ZMAT4: variants seen among roughly 807,000 people sequenced by gnomAD.
ZMAT4 encodes the protein zinc finger matrin-type protein 4.
In ZMAT4, 17 loss-of-function variants were observed where a neutral mutation model predicts 28.7. That is an observed-to-expected ratio of 0.59 (90% CI 0.41 to 0.89). The LOEUF (loss-of-function observed/expected upper bound fraction) is 0.89. Among genes scored for constraint, ZMAT4 ranks in the 40% least tolerant of loss-of-function variants. The pLI, the probability that ZMAT4 is intolerant of heterozygous loss-of-function variation, is 0.00. For synonymous variants in ZMAT4, 117 were observed against 109.2 expected (o/e 1.07, Z -0.44); for missense variants, 240 against 283.8 (o/e 0.85, Z 1.11).
At chr8:40,825,782 A>C in intron 1 of ZMAT4, 102 bp from the exon 2 acceptor site, 1 of 868,200 alleles carries the variant, frequency 1.2e-6, no homozygotes, top group Non-Finnish European at 1.8e-6. Context: ...CAGGTCTGAC[A>C]ATGGTGACAG....
At chr8:40,866,307 C>T (rs1201214249) in intron 1 of ZMAT4, among the ~76,000 whole-genome samples, 2 of 152,196 alleles carry the variant, frequency 1.3e-5, no homozygotes, top group East Asian at 1.9e-4. Flanking sequence ...AATGCTGGTG[C>T]CCCAGGGCTG....
chr8:40,829,408 G>A (rs531674918), intron 1 of ZMAT4, among the ~76,000 whole-genome samples: 1 of 152,314 alleles, frequency 6.6e-6, no homozygotes, highest in Non-Finnish European at 1.5e-5. Flanking sequence ...ACTAGAGCAG[G>A]GAGTCTGGTC....
At chr8:40,857,847 A>G (rs1488486904) in intron 1 of ZMAT4, among the ~76,000 whole-genome samples, 3 of 152,240 alleles carry the variant, frequency 2.0e-5, no homozygotes, top group Non-Finnish European at 2.9e-5. Context: ...AACACAAGGA[A>G]TGAACTACAA....
chr8:40,570,823 G>T (rs139178488), intron 6 of ZMAT4, among the ~76,000 whole-genome samples: 2 of 152,106 alleles, frequency 1.3e-5, no homozygotes, highest in Non-Finnish European at 2.9e-5. Context: ...TGGGACTCTG[G>T]CCATCTGCTT....
chr8:40,713,523 A>G (rs1810713072), intron 3 of ZMAT4, among the ~76,000 whole-genome samples: 1 of 152,192 alleles, frequency 6.6e-6, no homozygotes, highest in Admixed American at 6.5e-5. Flanking sequence ...ATGCTTAGCT[A>G]TATAAAGAAC....
intron 3 of ZMAT4, among the ~76,000 whole-genome samples, chr8:40,746,499 G>A (rs1404004211): frequency 1.3e-5 from 2 of 151,624 alleles, no homozygotes; most frequent in East Asian, 1.9e-4. Flanking sequence ...AAGTAGTTAG[G>A]ACTATAAGCG....
chr8:40,856,349 G>T (rs1325833447), intron 1 of ZMAT4, among the ~76,000 whole-genome samples: 2 of 152,108 alleles, frequency 1.3e-5, no homozygotes, highest in South Asian at 2.1e-4. Flanking sequence ...AGATGGAAAG[G>T]GTTGGAAAAA....
chr8:40,636,106 C>T (rs1806781367), intron 5 of ZMAT4, among the ~76,000 whole-genome samples: 1 of 152,234 alleles, frequency 6.6e-6, no homozygotes, highest in Non-Finnish European at 1.5e-5. Flanking sequence ...CCCAAAGAGC[C>T]TGCAATGATT....
At chr8:40,779,987 A>G (rs972373020) in intron 2 of ZMAT4, among the ~76,000 whole-genome samples, 1 of 152,110 alleles carries the variant, frequency 6.6e-6, no homozygotes, top group Admixed American at 6.5e-5. Context: ...CAAGCTCTTC[A>G]ACTGCCAGTT....
chr8:40,661,888 G>GA (rs758848843), intron 5 of ZMAT4, among the ~76,000 whole-genome samples: 2 of 152,208 alleles, frequency 1.3e-5, no homozygotes, highest in Non-Finnish European at 2.9e-5. Flanking sequence ...GCACTGAGGA[G>GA]AAAAATGAAT....
At chr8:40,664,443 C>T (rs1808321097) in intron 5 of ZMAT4, among the ~76,000 whole-genome samples, 1 of 152,190 alleles carries the variant, frequency 6.6e-6, no homozygotes, top group Admixed American at 6.5e-5. Context: ...AGGTTGCCAC[C>T]ACCATGATCC....
At chr8:40,875,669 C>T (rs922946885) in intron 1 of ZMAT4, among the ~76,000 whole-genome samples, 7 of 152,042 alleles carry the variant, frequency 4.6e-5, no homozygotes, top group South Asian at 4.1e-4. Flanking sequence ...CCCAGGGCAC[C>T]GCCAAGCCCA....
chr8:40,581,826 A>G (rs1804474677), intron 5 of ZMAT4, among the ~76,000 whole-genome samples: 1 of 152,192 alleles, frequency 6.6e-6, no homozygotes, highest in Non-Finnish European at 1.5e-5. Flanking sequence ...TCACTTTTTC[A>G]TTCATTTAAT....
At chr8:40,562,486 GTTATAA>G (rs1803779255) in intron 6 of ZMAT4, among the ~76,000 whole-genome samples, 2 of 2,246 alleles carry the variant, frequency 8.9e-4, no homozygotes, top group African/African-American at 1.0e-3. Context: ...GGGTTCTGCT[GTTATAA>G]TTTGAGTTCT....
intron 6 of ZMAT4, among the ~76,000 whole-genome samples, chr8:40,577,689 T>C (rs961325979): frequency 1.3e-5 from 2 of 152,120 alleles, no homozygotes; most frequent in African/African-American, 4.8e-5. Context: ...TTTGAAGTGA[T>C]GAATTTGCTA....
intron 1 of ZMAT4, among the ~76,000 whole-genome samples, chr8:40,895,590 G>A (rs529575041): frequency 2.0e-5 from 3 of 152,254 alleles, no homozygotes; most frequent in South Asian, 2.1e-4. Context: ...GCGCTCCAGC[G>A]TGTCCCACTT....
chr8:40,655,082 A>ACACACAC (rs1554534111), intron 5 of ZMAT4, among the ~76,000 whole-genome samples: 1 of 150,370 alleles, frequency 6.7e-6, no homozygotes, highest in South Asian at 2.1e-4. Context: ...ACACACACAC[A>ACACACAC]GCACATAAAA....
intron 5 of ZMAT4, among the ~76,000 whole-genome samples, chr8:40,589,686 A>ACACT (rs1224738025): frequency 1.4e-5 from 2 of 145,076 alleles, no homozygotes; most frequent in African/African-American, 5.1e-5. Flanking sequence ...GAAACATCTT[A>ACACT]CACTTAGAGA....
chr8:40,591,147 G>A (rs963972140), intron 5 of ZMAT4, among the ~76,000 whole-genome samples: 1 of 152,154 alleles, frequency 6.6e-6, no homozygotes, highest in African/African-American at 2.4e-5. Flanking sequence ...GGCAAGGAAG[G>A]TGCTGGTGGA....
Sources: gnomAD v4.1 joint callset for allele counts (sites outside exome capture counted in the v4.1 genomes callset) on GRCh38, gnomAD v4.1.1 for gene constraint, MANE v1.5 for transcripts, NCBI Gene and HGNC (gene_info 2026-07-23, HGNC 2026-07-21) for gene names.